ADCY2: variants seen among roughly 807,000 people sequenced by gnomAD.
ADCY2 encodes the protein adenylate cyclase type 2.
A neutral mutation model predicts 125.2 loss-of-function variants in ADCY2; 31 were observed. The observed-to-expected ratio is 0.25, with a 90% CI of 0.19 to 0.33. ADCY2 has a LOEUF of 0.33. Among genes scored for constraint, ADCY2 ranks in the 10% least tolerant of loss-of-function variants. The probability of loss-of-function intolerance (pLI) is 1.00; values close to 1 mark genes in which losing one functional copy is unlikely to be tolerated. For missense variants in ADCY2, 904 were observed against 1,418.2 expected (o/e 0.64, Z 5.82); for synonymous variants, 512 against 548.4 (o/e 0.93, Z 0.93).
chr5:7,816,477 G>A (rs547842859), intron 22 of ADCY2, among the ~76,000 whole-genome samples: 3 of 152,354 alleles, frequency 2.0e-5, no homozygotes, highest in Admixed American at 2.0e-4. Context: ...GGCCACCAGA[G>A]CCAGAGCCCC....
chr5:7,649,420 C>T (rs1311427452), intron 4 of ADCY2, among the ~76,000 whole-genome samples: 1 of 152,202 alleles, frequency 6.6e-6, no homozygotes, highest in African/African-American at 2.4e-5. Flanking sequence ...ACAGCTCTTA[C>T]TAAGCTACCT....
rs1296378770 is a variant in ADCY2 at position 7,396,334 on chromosome 5, G to C, written c.38G>C (p.Arg13Pro). 19 of 1,522,420 alleles carry C rather than the reference G, an allele frequency of 1.2e-5. No individual in the cohort carries two copies. Among genetic ancestry groups the C allele is most frequent in the Non-Finnish European group, 1.7e-5 (19 of 1,135,816 alleles). The allele number at this position is 1,522,420 out of a possible 1,614,324, so 94.3% of individuals were successfully genotyped here. Residue 13 changes from arginine (R) to proline (P), a missense_variant, in exon 1 of 25, where the codon CGG (arginine) becomes CCG (proline). Arg to Pro is a moderately radical substitution (Grantham distance 103). Coordinates refer to ENST00000338316, the MANE Select transcript of ADCY2 (RefSeq NM_020546.3). This position sits in a 1 kb window ranked among gnomAD's most constrained non-coding sequence, Gnocchi z 5.7. ...GCGATGCGGCGCCGCCGCTACCTGC[G>C]GGACCGCTCCGAGGAGGCGGCGGGC... ...QEAMRRRRYL[R>P]DRSEEAAGGG... is the part of the protein sequence containing the mutation.
At chr5:7,673,286 A>ATATATATATATATATATAT (rs58505229) in intron 4 of ADCY2, among the ~76,000 whole-genome samples, 21 of 53,860 alleles carry the variant, frequency 3.9e-4, no homozygotes, top group East Asian at 2.4e-3. Flanking sequence ...ATATATATAT[A>ATATATATATATATATATAT]AAATTAGCCA....
At chr5:7,826,065 C>A (rs1745466972) in intron 24 of ADCY2, among the ~76,000 whole-genome samples, 1 of 152,180 alleles carries the variant, frequency 6.6e-6, no homozygotes, top group African/African-American at 2.4e-5. Context: ...AGCGAGGAGA[C>A]CTTTGAGACT....
chr5:7,654,952 A>G (rs16878923), intron 4 of ADCY2, among the ~76,000 whole-genome samples: 1,634 of 152,286 alleles, frequency 0.011, 32 homozygotes, highest in African/African-American at 0.038. Context: ...TGAAATGCAT[A>G]CCTAGAGGAT....
chr5:7,741,829 A>G (rs1579379221), intron 14 of ADCY2, among the ~76,000 whole-genome samples: 1 of 151,422 alleles, frequency 6.6e-6, no homozygotes, highest in Non-Finnish European at 1.5e-5. Flanking sequence ...CACCATCATC[A>G]CCATCCTCAT....
chr5:7,792,217 C>CAAAAAAAAAA (rs57224712), intron 20 of ADCY2, among the ~76,000 whole-genome samples: 1 of 99,446 alleles, frequency 1.0e-5, no homozygotes, highest in African/African-American at 4.3e-5. Flanking sequence ...ACTAAAAATA[C>CAAAAAAAAAA]AAAAAAAAAA....
chr5:7,435,795 T>A (rs1160820130), intron 2 of ADCY2, among the ~76,000 whole-genome samples: 1 of 152,228 alleles, frequency 6.6e-6, no homozygotes, highest in Non-Finnish European at 1.5e-5. Context: ...TCAACAGAAT[T>A]TAACATCAGA....
intron 14 of ADCY2, among the ~76,000 whole-genome samples, chr5:7,740,102 C>T (rs1387083412): frequency 6.6e-6 from 1 of 151,850 alleles, no homozygotes; most frequent in Non-Finnish European, 1.5e-5. Context: ...GCCAAATCTA[C>T]ACCACGTGTA....
chr5:7,418,647 G>GTTTTTTTTT lies in ADCY2; in HGVS notation c.408+3895_408+3903dup, dbSNP rs869287430. Among the ~76,000 whole-genome samples, 360 of 73,758 alleles carry GTTTTTTTTT rather than the reference G, an allele frequency of 4.9e-3. 92 individuals carry two copies. The highest frequency in any genetic ancestry group is 0.021 in the African/African-American group (344 of 16,062). The allele number at this position is 73,758 out of a possible 152,430, so 48.4% of individuals were successfully genotyped here. ...AATTAAAAACAAAAGTCTACCTTCT[G>GTTTTTTTTT]TTTTTTTTTTTTTTTTTTTTTTTTT... On this transcript the variant is annotated intron_variant, in intron 2 of 24. Transcript: ENST00000338316.
chr5:7,593,830 T>C (rs1322371990), intron 3 of ADCY2, among the ~76,000 whole-genome samples: 1 of 151,874 alleles, frequency 6.6e-6, no homozygotes, highest in Non-Finnish European at 1.5e-5. Flanking sequence ...TGACAGAGTG[T>C]CACACTTCTG....
At chr5:7,637,390 A>G (rs1182700508) in intron 4 of ADCY2, among the ~76,000 whole-genome samples, 1 of 149,846 alleles carries the variant, frequency 6.7e-6, no homozygotes, top group Non-Finnish European at 1.5e-5. Flanking sequence ...AGATATCACA[A>G]CACTGCACTA....
intron 3 of ADCY2, among the ~76,000 whole-genome samples, chr5:7,557,212 G>A (rs1735554239): frequency 1.2e-5 from 1 of 86,486 alleles, no homozygotes; most frequent in African/African-American, 3.3e-5. Context: ...ACTCAAGTGA[G>A]TGTATCTAAA....
chr5:7,397,964 G>C (rs1739124776), intron 1 of ADCY2, among the ~76,000 whole-genome samples: 2 of 152,102 alleles, frequency 1.3e-5, no homozygotes, highest in African/African-American at 2.4e-5. Context: ...CTACTTTTAG[G>C]AACAAAAAGG....
intron 1 of ADCY2, among the ~76,000 whole-genome samples, chr5:7,403,851 A>C (rs1171873634): frequency 2.0e-5 from 3 of 151,974 alleles, no homozygotes; most frequent in Admixed American, 1.3e-4. Context: ...TCATATATCA[A>C]AATTCTACAT....
intron 10 of ADCY2, among the ~76,000 whole-genome samples, chr5:7,711,004 G>A (rs1741421652): frequency 6.6e-6 from 1 of 152,192 alleles, no homozygotes; most frequent in Non-Finnish European, 1.5e-5. Flanking sequence ...ATACAAGGGG[G>A]AAACCAGATT....
intron 3 of ADCY2, among the ~76,000 whole-genome samples, chr5:7,532,426 C>G (rs1400354480): frequency 6.6e-6 from 1 of 152,176 alleles, no homozygotes; most frequent in African/African-American, 2.4e-5. Context: ...AGTAGATTTC[C>G]ACTTTACATA....
intron 21 of ADCY2, among the ~76,000 whole-genome samples, chr5:7,804,063 A>AGAGAGAGAGAGAGAGAGAGAGAGAGC (rs1370204515): frequency 6.8e-6 from 1 of 146,960 alleles, no homozygotes; most frequent in Non-Finnish European, 1.5e-5. Flanking sequence ...AGAGAGAGAG[A>AGAGAGAGAGAGAGAGAGAGAGAGAGC]GAGAGAGAGA....
intron 2 of ADCY2, among the ~76,000 whole-genome samples, chr5:7,475,467 C>T (rs1340233608): frequency 6.6e-6 from 1 of 151,944 alleles, no homozygotes; most frequent in African/African-American, 2.4e-5. Flanking sequence ...CTGCAACCTC[C>T]GTCCCCCGGG....
Sources: gnomAD v4.1 joint callset for allele counts (sites outside exome capture counted in the v4.1 genomes callset) on GRCh38, gnomAD v4.1.1 for gene constraint, Gnocchi (gnomAD v3.1) non-coding constraint, MANE v1.5 for transcripts, NCBI Gene and HGNC (gene_info 2026-07-23, HGNC 2026-07-21) for gene names.